RAD51B: variants seen among roughly 807,000 people sequenced by gnomAD.
RAD51B encodes the protein RAD51 paralog B.
A neutral mutation model predicts 42.2 loss-of-function variants in RAD51B; 38 were observed. The ratio of observed to expected loss-of-function variants is 0.90; its 90% CI spans 0.70 to 1.18. The LOEUF is 1.18. Among genes scored for constraint, RAD51B ranks in the 50% most tolerant of loss-of-function variants. The pLI is 0.00. For synonymous variants in RAD51B, 154 were observed against 145.2 expected (o/e 1.06, Z -0.43); for missense variants, 373 against 400.7 (o/e 0.93, Z 0.59).
At chr14:68,437,033 G>GT (rs1358106440) in intron 9 of RAD51B, among the ~76,000 whole-genome samples, 1 of 152,086 alleles carries the variant, frequency 6.6e-6, no homozygotes, top group Non-Finnish European at 1.5e-5. Context: ...GACTGCTCTG[G>GT]CTAGGACTTC....
chr14:68,521,815 T>C (rs773373048), intron 10 of RAD51B, among the ~76,000 whole-genome samples: 1 of 152,204 alleles, frequency 6.6e-6, no homozygotes, highest in Non-Finnish European at 1.5e-5. Context: ...CCAGTGGCCA[T>C]GCATCTGACA....
At chr14:67,900,499 C>T (rs1165850878) in intron 7 of RAD51B, among the ~76,000 whole-genome samples, 3 of 151,788 alleles carry the variant, frequency 2.0e-5, no homozygotes, top group African/African-American at 4.8e-5. Flanking sequence ...AAATGTATCT[C>T]GTAAAATTCA....
chr14:68,217,267 T>C (rs879905187), intron 7 of RAD51B, among the ~76,000 whole-genome samples: 12 of 152,156 alleles, frequency 7.9e-5, no homozygotes, highest in Non-Finnish European at 1.6e-4. Flanking sequence ...ATTCTTCATC[T>C]CCTCTTTTCT....
intron 7 of RAD51B, among the ~76,000 whole-genome samples, chr14:67,962,130 T>A (rs919006869): frequency 3.3e-5 from 5 of 152,040 alleles, no homozygotes; most frequent in Non-Finnish European, 7.4e-5. Context: ...GACTAAAAAT[T>A]TAATGGTTTG....
At chr14:68,299,187 C>T (rs2081670812) in intron 8 of RAD51B, among the ~76,000 whole-genome samples, 1 of 151,956 alleles carries the variant, frequency 6.6e-6, no homozygotes, top group African/African-American at 2.4e-5. Flanking sequence ...TCAGAATCAC[C>T]TGGGGGGCAC....
intron 7 of RAD51B, among the ~76,000 whole-genome samples, chr14:67,971,709 G>T (rs937341649): frequency 6.6e-6 from 1 of 151,934 alleles, no homozygotes; most frequent in Non-Finnish European, 1.5e-5. Flanking sequence ...TGTGTGTTAT[G>T]TGACTACTTA....
intron 4 of RAD51B, among the ~76,000 whole-genome samples, chr14:67,859,462 T>C (rs906351171): frequency 6.6e-6 from 1 of 152,180 alleles, no homozygotes; most frequent in Non-Finnish European, 1.5e-5. Context: ...AAAAGTGAAA[T>C]TATAAGCAAG....
intron 7 of RAD51B, among the ~76,000 whole-genome samples, chr14:68,129,435 C>T (rs2077840248): frequency 1.3e-5 from 2 of 152,170 alleles, no homozygotes; most frequent in South Asian, 4.1e-4. Context: ...ACTACAACTG[C>T]TACATTGTAC....
At chr14:68,415,197 C>T (rs1043941513) in intron 9 of RAD51B, among the ~76,000 whole-genome samples, 2 of 152,170 alleles carry the variant, frequency 1.3e-5, no homozygotes, top group South Asian at 2.1e-4. Context: ...ATTTGTAAAG[C>T]TCCCCCATGT....
intron 7 of RAD51B, among the ~76,000 whole-genome samples, chr14:68,171,982 C>T (rs2078883059): frequency 6.6e-6 from 1 of 152,202 alleles, no homozygotes; most frequent in African/African-American, 2.4e-5. Context: ...GCTGGGATTA[C>T]AGGTGTGAGC....
At chr14:68,172,793 A>G (rs2078897480) in intron 7 of RAD51B, among the ~76,000 whole-genome samples, 1 of 152,178 alleles carries the variant, frequency 6.6e-6, no homozygotes, top group Non-Finnish European at 1.5e-5. Flanking sequence ...AGCCTATGTT[A>G]TGAAAGAGAA....
intron 4 of RAD51B, among the ~76,000 whole-genome samples, chr14:67,854,249 C>G (rs1022144782): frequency 2.6e-5 from 4 of 152,202 alleles, no homozygotes; most frequent in African/African-American, 9.7e-5. Flanking sequence ...TCCCCTTCCT[C>G]CAAAACAACT....
intron 7 of RAD51B, among the ~76,000 whole-genome samples, chr14:67,898,248 A>G (rs946658447): frequency 2.0e-5 from 3 of 152,210 alleles, no homozygotes; most frequent in African/African-American, 7.2e-5. Context: ...AGCCTTAAAT[A>G]AAAAAGAAGG....
intron 7 of RAD51B, among the ~76,000 whole-genome samples, chr14:68,118,323 T>C (rs1291391241): frequency 6.6e-6 from 1 of 152,172 alleles, no homozygotes; most frequent in East Asian, 1.9e-4. Flanking sequence ...CCCACTAATA[T>C]CCTTTTTCTG....
At chr14:68,406,905 T>A (rs1288631700) in intron 8 of RAD51B, among the ~76,000 whole-genome samples, 1 of 152,168 alleles carries the variant, frequency 6.6e-6, no homozygotes, top group East Asian at 1.9e-4. Flanking sequence ...AGCCTAGGAC[T>A]ACACAGGATC....
intron 11 of RAD51B, among the ~76,000 whole-genome samples, chr14:68,682,432 C>T (rs1234310121): frequency 6.6e-6 from 1 of 152,206 alleles, no homozygotes; most frequent in Non-Finnish European, 1.5e-5. Flanking sequence ...CCAGGGATTC[C>T]GAATTCCAAA....
intron 7 of RAD51B, among the ~76,000 whole-genome samples, chr14:68,194,300 T>C (rs2079324739): frequency 6.6e-6 from 1 of 152,202 alleles, no homozygotes; most frequent in African/African-American, 2.4e-5. Flanking sequence ...TTAGGAGATG[T>C]TTGTTTTAAT....
intron 7 of RAD51B, among the ~76,000 whole-genome samples, chr14:68,199,869 G>A: frequency 6.6e-6 from 1 of 152,156 alleles, no homozygotes; most frequent in East Asian, 1.9e-4. Context: ...GCGTTGTCTG[G>A]CAGGTTTGGC....
chr14:68,024,318 T>G (rs1194500888), intron 7 of RAD51B, among the ~76,000 whole-genome samples: 1 of 152,162 alleles, frequency 6.6e-6, no homozygotes. Context: ...TTTGGCTATT[T>G]GGGCTCTAAA....
Sources: gnomAD v4.1 joint callset for allele counts (sites outside exome capture counted in the v4.1 genomes callset) on GRCh38, gnomAD v4.1.1 for gene constraint, MANE v1.5 for transcripts, NCBI Gene and HGNC (gene_info 2026-07-23, HGNC 2026-07-21) for gene names.